The following STAB2 variants were observed in gnomAD, a reference collection of about 807,000 sequenced individuals.
STAB2 encodes stabilin 2.
In STAB2, 288 loss-of-function variants were observed where a neutral mutation model predicts 338.1. That is an observed-to-expected ratio of 0.85 (90% CI 0.77 to 0.94). The LOEUF (loss-of-function observed/expected upper bound fraction) is 0.94. STAB2 is among the 40% of genes least tolerant of loss of function. STAB2 has a pLI of 0.00. For synonymous variants in STAB2, 1,202 were observed against 1,193.3 expected, an observed-to-expected ratio of 1.01 and a Z score of -0.15; for missense variants, 3,141 against 3,210.1, an observed-to-expected ratio of 0.98 and a Z score of 0.52.
rs781263684 is a variant in STAB2 at position 103,677,629 on chromosome 12, A to G, written c.2805+18A>G. On this transcript the variant is annotated intron_variant, in intron 25 of 68. Coordinates refer to ENST00000388887, the MANE Select transcript of STAB2 (RefSeq NM_017564.10). The stretch of plus-strand genomic sequence containing the variant: ...CCGGGCAGGTAGGTTGGATGTCATG[A>G]GAGCAAAGAGAAAGCAGGAATCCTG... 6.3e-7 allele frequency: 1 copy of G among 1,597,710 alleles called. No individual in the cohort carries two copies. Among genetic ancestry groups the G allele is most frequent in the Non-Finnish European group, 8.6e-7 (1 of 1,166,402 alleles).
chr12:103,704,719 C>A, intron 36 of STAB2, 105 bp downstream of exon 36: 1 of 964,756 alleles, frequency 1.0e-6, no homozygotes, highest in Non-Finnish European at 1.6e-6. Flanking sequence ...CATTCCTTCA[C>A]TTAATTTGAA....
intron 56 of STAB2, among the ~76,000 whole-genome samples, chr12:103,744,754 TGAGCCACCACACCCAGCCAA>T (rs1882878483): frequency 6.6e-6 from 1 of 152,150 alleles, no homozygotes. Context: ...ATTACAGACA[TGAGCCACCACACCCAGCCAA>T]AATTTTACTT....
At chr12:103,615,272 G>GA (rs202179520) in intron 3 of STAB2, among the ~76,000 whole-genome samples, 24 of 152,212 alleles carry the variant, frequency 1.6e-4, no homozygotes, top group African/African-American at 4.3e-4. Context: ...CAGGTGTGAT[G>GA]AAAAAAATGA....
intron 47 of STAB2, among the ~76,000 whole-genome samples, chr12:103,728,157 ATTGT>A (rs1009325816): frequency 2.0e-5 from 3 of 152,146 alleles, no homozygotes; most frequent in African/African-American, 2.4e-5. Flanking sequence ...ATATTGTTTG[ATTGT>A]TTGTTTTTGA....
intron 9 of STAB2, among the ~76,000 whole-genome samples, chr12:103,642,852 T>C (rs1206027386): frequency 1.3e-5 from 2 of 152,198 alleles, no homozygotes; most frequent in African/African-American, 4.8e-5. Context: ...TCCCAGGGTA[T>C]GGAGGATATG....
At chr12:103,737,466 G>T (rs1289596840) in intron 52 of STAB2, among the ~76,000 whole-genome samples, 168 bp from the exon 53 acceptor site, 1 of 152,118 alleles carries the variant, frequency 6.6e-6, no homozygotes, top group African/African-American at 2.4e-5. Flanking sequence ...CTGGGTATTT[G>T]ATAAATATAT....
intron 63 of STAB2, among the ~76,000 whole-genome samples, chr12:103,757,018 T>G (rs1220472839): frequency 7.8e-6 from 1 of 128,058 alleles, no homozygotes; most frequent in South Asian, 2.6e-4. Flanking sequence ...TATATATATA[T>G]ATATATATAT....
At chr12:103,738,830 C>T (rs975358536) in intron 53 of STAB2, among the ~76,000 whole-genome samples, 7 of 152,192 alleles carry the variant, frequency 4.6e-5, no homozygotes, top group African/African-American at 1.4e-4. Context: ...CTGCTAATAG[C>T]ATATGCCTGT....
chr12:103,667,578 G>A (rs1375557327), intron 19 of STAB2, among the ~76,000 whole-genome samples: 2 of 152,178 alleles, frequency 1.3e-5, no homozygotes, highest in Non-Finnish European at 2.9e-5. Context: ...CACATGGGTA[G>A]GAGCCAAAAG....
In STAB2 at chr12:103,713,739, G is replaced by A. The variant is rs560420677; in HGVS notation, c.4508G>A (p.Gly1503Asp). ...PGRRVCTCKA[G>D]YTGDGIVCLE... ...AGGCGAGTGTGCACGTGCAAAGCAGGCTACACGGGTGATGGCATTGTGTGC... is the reference window on the plus strand; with the variant it reads ...AGGCGAGTGTGCACGTGCAAAGCAGACTACACGGGTGATGGCATTGTGTGC... Residue 1503 changes from glycine (G) to aspartate (D), a missense_variant, in exon 42 of 69, where the codon GGC (glycine) becomes GAC (aspartate). Coordinates refer to ENST00000388887, the MANE Select transcript of STAB2 (RefSeq NM_017564.10). 1 of 1,614,040 alleles carries A rather than the reference G, an allele frequency of 6.2e-7. No individual in the cohort carries two copies.
intron 5 of STAB2, among the ~76,000 whole-genome samples, chr12:103,622,999 T>G (rs1957325852): frequency 6.6e-6 from 1 of 152,256 alleles, no homozygotes; most frequent in Admixed American, 6.5e-5. Flanking sequence ...AGAAACAAAT[T>G]TGAGACTGGC....
intron 3 of STAB2, among the ~76,000 whole-genome samples, chr12:103,607,834 C>G (rs1480536686): frequency 1.3e-5 from 2 of 152,242 alleles, no homozygotes; most frequent in Non-Finnish European, 1.5e-5. Flanking sequence ...GTGAATAGTG[C>G]CGCAATAAAC....
At chr12:103,726,472 CAG>C (rs1881216228) in intron 46 of STAB2, among the ~76,000 whole-genome samples, 2 of 152,162 alleles carry the variant, frequency 1.3e-5, no homozygotes, top group African/African-American at 4.8e-5. Context: ...GCCTAGGTGA[CAG>C]AGTGAGACAC....
chr12:103,683,375 C>G (rs1329373265), intron 26 of STAB2, 75 bp downstream of exon 26: 1 of 1,367,052 alleles, frequency 7.3e-7, no homozygotes. Flanking sequence ...AGATTATTTC[C>G]TGTCTGGCCT....
At position 103,766,423 on chromosome 12, in the gene STAB2, G is replaced by A. The variant is rs1045700963; in HGVS notation, c.*87G>A. On this transcript the variant is annotated 3_prime_UTR_variant, in exon 69 of 69. Transcript: ENST00000388887. ...TCAGCACCAGTTGCCTTTTAGGAAC[G>A]TAAAGTCCTTTAAGCACTCAGAAGC... The A allele has an allele frequency of 1.3e-5, 19 of 1,472,578 alleles. No homozygotes were observed. The Admixed American group carries it at 1.4e-4, about 11-fold the overall frequency. The allele number at this position is 1,472,578 out of a possible 1,614,324, so 91.2% of individuals were successfully genotyped here.
intron 51 of STAB2, among the ~76,000 whole-genome samples, chr12:103,734,378 T>C (rs976270531): frequency 6.7e-6 from 1 of 150,160 alleles, no homozygotes; most frequent in African/African-American, 2.5e-5. Context: ...AGAGCGATCA[T>C]ATAGGAGCAA....
intron 59 of STAB2, among the ~76,000 whole-genome samples, chr12:103,749,841 C>CAAAAAAAAAAAAAAAA (rs369556936): frequency 6.1e-4 from 31 of 51,154 alleles, no homozygotes; most frequent in East Asian, 1.9e-3. Context: ...CTCTGTCTCA[C>CAAAAAAAAAAAAAAAA]AAAAAAAAAA....
Position 103,615,744 on chromosome 12 carries a change from A to G in STAB2, c.332-4724A>G, listed in dbSNP as rs542121836. Among the ~76,000 whole-genome samples, 13 of 152,290 alleles carry G rather than the reference A, an allele frequency of 8.5e-5. No individual in the cohort carries two copies. The East Asian group carries it at 2.5e-3, about 29-fold the overall frequency. Reference sequence around the variant, plus strand: ...CCACAGAAACTTACAGTCATGGTGGAAGGCAAAGGAGAAGCAGGCACCTCT... The same window carrying G: ...CCACAGAAACTTACAGTCATGGTGGGAGGCAAAGGAGAAGCAGGCACCTCT... On this transcript the variant is annotated intron_variant, in intron 3 of 68. Coordinates refer to ENST00000388887, the MANE Select transcript of STAB2 (RefSeq NM_017564.10).
chr12:103,711,508 C>G lies in STAB2; in HGVS notation c.4326C>G (p.Thr1442=), dbSNP rs145518790. 41 of 1,614,088 alleles carry G rather than the reference C, an allele frequency of 2.5e-5. No homozygotes were observed. The African/African-American group carries it at 4.5e-4, about 18-fold the overall frequency. ...TEDNCNGTCH[T]SANCLTNSDG... is the part of the protein sequence containing the mutation. The stretch of plus-strand genomic sequence containing the variant: ...ACAACTGCAATGGGACATGCCATAC[C>G]AGCGCCAAGTAGGTAGCCCTGGGCC... Residue 1442 remains threonine, a synonymous_variant, in exon 40 of 69, where the codon ACC becomes ACG. Transcript: ENST00000388887.
Sources: allele counts gnomAD v4.1 joint callset (sites outside exome capture counted in the v4.1 genomes callset), GRCh38; gene constraint gnomAD v4.1.1; transcripts MANE v1.5; gene names NCBI Gene and HGNC (gene_info 2026-07-23, HGNC 2026-07-21).